The following IKBKE variants were observed in gnomAD, a reference collection of about 807,000 sequenced individuals.
The protein encoded by IKBKE is inhibitor of nuclear factor kappa-B kinase subunit epsilon.
A neutral mutation model predicts 92.1 loss-of-function variants in IKBKE; 45 were observed. That is an observed-to-expected ratio of 0.49 (90% CI 0.38 to 0.63). The LOEUF (loss-of-function observed/expected upper bound fraction) is 0.63. Ranked by LOEUF, IKBKE falls within the 20% of genes least tolerant of loss-of-function variation. The pLI, the probability that IKBKE is intolerant of heterozygous loss-of-function variation, is 0.00. For synonymous variants in IKBKE, 374 were observed against 380.3 expected (o/e 0.98, Z 0.19); for missense variants, 700 against 932.8 (o/e 0.75, Z 3.25).
At chr1:206,495,853 G>A (rs1233010665) in intron 21 of IKBKE, among the ~76,000 whole-genome samples, 7 of 152,150 alleles carry the variant, frequency 4.6e-5, no homozygotes, top group Admixed American at 3.9e-4. Flanking sequence ...GCTTTTAAAC[G>A]TACAAATGCC....
At chr1:206,495,316 C>T (rs1267982314) in intron 21 of IKBKE, among the ~76,000 whole-genome samples, 2 of 152,168 alleles carry the variant, frequency 1.3e-5, no homozygotes, top group African/African-American at 4.8e-5. Flanking sequence ...CCCTGTGAAA[C>T]AGGAGTAATA....
At chr1:206,473,475 G>C (rs1443879018) in intron 3 of IKBKE, among the ~76,000 whole-genome samples, 161 bp downstream of exon 3, 2 of 152,232 alleles carry the variant, frequency 1.3e-5, no homozygotes, top group African/African-American at 4.8e-5. Flanking sequence ...CAGAGGCATA[G>C]GGAGCTGAAA....
Position 206,493,395 on chromosome 1 carries a change from A to G in IKBKE, c.2045+17A>G, listed in dbSNP as rs1666053785. On this transcript the variant is annotated intron_variant, in intron 20 of 21. Coordinates refer to ENST00000581977, the MANE Select transcript of IKBKE (RefSeq NM_014002.4). ...GCTTCTCCAGTAAGTGCTGGGGAGA[A>G]AGCGGTTGTGTATCTGTGTGGAAGG... 3 of 1,573,386 alleles carry G rather than the reference A, an allele frequency of 1.9e-6. No individual in the cohort carries two copies. Among genetic ancestry groups the G allele is most frequent in the Non-Finnish European group, 2.6e-6 (3 of 1,143,264 alleles).
At chr1:206,493,462 G>T in intron 20 of IKBKE, 84 bp downstream of exon 20, 2 of 1,057,098 alleles carry the variant, frequency 1.9e-6, no homozygotes, top group South Asian at 2.7e-5. Flanking sequence ...GAGCCTGAGG[G>T]GTTTGGCGTC....
In IKBKE at chr1:206,476,437, T is replaced by G; in HGVS notation, c.540+75T>G. 1.4e-6 allele frequency: 2 copies of G among 1,457,404 alleles called. No homozygotes were observed. The highest frequency in any genetic ancestry group is 1.3e-5 in the South Asian group (1 of 78,308). The allele number at this position is 1,457,404 out of a possible 1,614,324, so 90.3% of individuals were successfully genotyped here. Reference sequence around the variant, plus strand: ...CCTTGTGAGCCCCCCAGAGCCCCCATGAGGGGGTGTGGCCCACCTCCTGCT... The same window carrying G: ...CCTTGTGAGCCCCCCAGAGCCCCCAGGAGGGGGTGTGGCCCACCTCCTGCT... On this transcript the variant is annotated intron_variant, in intron 6 of 21. Coordinates refer to ENST00000581977, the MANE Select transcript of IKBKE (RefSeq NM_014002.4). The surrounding 1 kb of genome is among the most constrained non-coding windows in gnomAD (Gnocchi z 5.1).
chr1:206,482,386 GC>G (rs1460390941), intron 13 of IKBKE, among the ~76,000 whole-genome samples: 1 of 152,240 alleles, frequency 6.6e-6, no homozygotes, highest in East Asian at 1.9e-4. Flanking sequence ...GTTTGGGAAA[GC>G]TTTTTGGGTG....
intron 13 of IKBKE, among the ~76,000 whole-genome samples, chr1:206,482,322 C>A (rs1665444874): frequency 6.6e-6 from 1 of 152,064 alleles, no homozygotes; most frequent in South Asian, 2.1e-4. Flanking sequence ...GAGGTTGGAC[C>A]CCAATAAAAC....
Position 206,480,115 on chromosome 1 carries a change from T to A in IKBKE, c.1340+2T>A. Reference sequence around the variant, plus strand: ...GTTTCGGGGGCTGCACTGGGTCATGTGAGTAATCATGAGGGCTGGGCACAG... The same window carrying A: ...GTTTCGGGGGCTGCACTGGGTCATGAGAGTAATCATGAGGGCTGGGCACAG... On this transcript the variant is annotated splice_donor_variant, in intron 12 of 21. Coordinates refer to ENST00000581977, the MANE Select transcript of IKBKE (RefSeq NM_014002.4). LOFTEE classifies it high-confidence loss of function. 2 of 1,546,472 alleles carry A rather than the reference T, an allele frequency of 1.3e-6. No individual in the cohort carries two copies. Among genetic ancestry groups the A allele is most frequent in the Non-Finnish European group, 1.7e-6 (2 of 1,149,430 alleles).
At chr1:206,479,998 G>A (rs373151162) in intron 11 of IKBKE, 24 bp from the exon 12 acceptor site, 3 of 1,611,700 alleles carry the variant, frequency 1.9e-6, no homozygotes, top group African/African-American at 2.7e-5. Flanking sequence ...GTGGGACCTG[G>A]CCCTGTGCAT....
intron 2 of IKBKE, among the ~76,000 whole-genome samples, chr1:206,471,945 T>G (rs1235753910): frequency 3.3e-5 from 5 of 152,228 alleles, no homozygotes; most frequent in Non-Finnish European, 5.9e-5. Flanking sequence ...AGTCTAGCGT[T>G]ATTTAAAAGT....
intron 5 of IKBKE, 23 bp downstream of exon 5, chr1:206,475,017 C>T: frequency 6.2e-7 from 1 of 1,612,944 alleles, no homozygotes; most frequent in Non-Finnish European, 8.5e-7. Flanking sequence ...CTGTCCCTGC[C>T]TCCACCCTCA....
chr1:206,494,988 A>C (rs1572273009), intron 21 of IKBKE, among the ~76,000 whole-genome samples: 1 of 31,204 alleles, frequency 3.2e-5, no homozygotes, highest in South Asian at 1.4e-3. Context: ...ATTTGAAGTA[A>C]AAAAAAAAAA....
chr1:206,492,240 TTC>T, intron 18 of IKBKE: 1 of 360,522 alleles, frequency 2.8e-6, no homozygotes, highest in South Asian at 2.1e-5. Context: ...AAGTAGAACC[TTC>T]TGTCACACTG....
intron 11 of IKBKE, 36 bp downstream of exon 11, chr1:206,479,970 G>C (rs1348893475): frequency 6.2e-7 from 1 of 1,613,158 alleles, no homozygotes; most frequent in Non-Finnish European, 8.5e-7. Flanking sequence ...GGAGGGGCAT[G>C]ACCCAAGGGT....
rs55954912 is a variant in IKBKE, at chr1:206,480,215, C to T, written c.1340+102C>T. 2,749 of 342,852 alleles carry T rather than the reference C, an allele frequency of 8.0e-3. 122 individuals carry two copies. The East Asian group carries it at 0.088, about 11-fold the overall frequency. The allele number at this position is 342,852 out of a possible 1,614,324, so 21.2% of individuals were successfully genotyped here. ...GAAGGGGAGATGGGTGGGGGGTGGG[C>T]AGGAAGTGGAGGTGAGCAGGAGGAG... On this transcript the variant is annotated intron_variant, in intron 12 of 21. Coordinates refer to ENST00000581977, the MANE Select transcript of IKBKE (RefSeq NM_014002.4).
chr1:206,491,034 G>T (rs1250091251), intron 17 of IKBKE, 176 bp downstream of exon 17: 4 of 643,980 alleles, frequency 6.2e-6, no homozygotes, highest in Non-Finnish European at 1.1e-5. Context: ...TAGCTTAGTT[G>T]GAGGGAGACT....
intron 21 of IKBKE, among the ~76,000 whole-genome samples, chr1:206,495,464 T>A (rs1459079017): frequency 6.6e-6 from 1 of 152,150 alleles, no homozygotes; most frequent in African/African-American, 2.4e-5. Context: ...ACACTAGAAT[T>A]GGGGCCAGGA....
intron 12 of IKBKE, 87 bp from the exon 13 acceptor site, chr1:206,480,360 G>A (rs905981129): frequency 2.6e-6 from 3 of 1,155,372 alleles, no homozygotes; most frequent in Non-Finnish European, 3.9e-6. Flanking sequence ...GGCAGGAGGT[G>A]GAGGCCAGTA....
chr1:206,474,856 C>A lies in IKBKE; in HGVS notation c.229-9C>A. ...CGTCCTCATGAGCCCCTCTCTGTCC[C>A]ACCCATAGGGCGGAAGCCGGCAGAA... On this transcript the variant is annotated splice_polypyrimidine_tract_variant and intron_variant, in intron 4 of 21. Coordinates refer to ENST00000581977, the MANE Select transcript of IKBKE (RefSeq NM_014002.4). 6.2e-7 allele frequency: 1 copy of A among 1,613,596 alleles called. No individual in the cohort carries two copies. Among genetic ancestry groups the A allele is most frequent in the Non-Finnish European group, 8.5e-7 (1 of 1,179,766 alleles).
Sources: gnomAD v4.1 joint callset for allele counts (sites outside exome capture counted in the v4.1 genomes callset) on GRCh38, gnomAD v4.1.1 for gene constraint, Gnocchi (gnomAD v3.1) non-coding constraint, MANE v1.5 for transcripts, NCBI Gene and HGNC (gene_info 2026-07-23, HGNC 2026-07-21) for gene names.